Variants in TTC5 observed in about 807,000 individuals in gnomAD.
The protein encoded by TTC5 is tetratricopeptide repeat domain 5.
TTC5 carries 46 observed loss-of-function variants against 57.4 expected under a neutral mutation model. That is an observed-to-expected ratio of 0.80 (90% confidence interval 0.63 to 1.03). The LOEUF (loss-of-function observed/expected upper bound fraction) is 1.03, where lower values mean the gene tolerates loss of function less well. Ranked by LOEUF, TTC5 falls within the 50% of genes least tolerant of loss-of-function variation. The pLI is 0.00. For synonymous variants in TTC5, 190 were observed against 203.5 expected, an observed-to-expected ratio of 0.93 and a Z score of 0.57; for missense variants, 504 against 528.1, an observed-to-expected ratio of 0.95 and a Z score of 0.45.
At chr14:20,305,768 C>G (rs1211656749) in intron 1 of TTC5, 119 bp downstream of exon 1, 2 of 1,089,760 alleles carry the variant, frequency 1.8e-6, no homozygotes, top group Non-Finnish European at 2.8e-6. Flanking sequence ...TTATAGTAAC[C>G]ACACAGACGC....
chr14:20,295,116 G>A (rs1395210094), intron 8 of TTC5, 196 bp downstream of exon 8: 3 of 588,038 alleles, frequency 5.1e-6, no homozygotes, highest in Non-Finnish European at 9.0e-6. Context: ...GGCAGTGACA[G>A]AATCTACAAA....
chr14:20,291,949 T>C, intron 9 of TTC5, 34 bp downstream of exon 9: 1 of 1,515,392 alleles, frequency 6.6e-7, no homozygotes, highest in Non-Finnish European at 8.8e-7. Context: ...TTTTAGAGCC[T>C]ACGAGTTGTA....
Position 20,295,998 on chromosome 14 carries a change from G to C in TTC5, c.697-144C>G, listed in dbSNP as rs117196847. The C allele has an allele frequency of 1.7e-3, 1,285 of 759,394 alleles. 22 individuals carry two copies. The East Asian group carries it at 0.034, about 20-fold the overall frequency. The allele number at this position is 759,394 out of a possible 1,614,324, so 47.0% of individuals were successfully genotyped here. On this transcript the variant is annotated intron_variant, in intron 6 of 9. Coordinates refer to ENST00000258821, the MANE Select transcript of TTC5 (RefSeq NM_138376.3). ...GCTGCAACAAACAGCCTGAAGAGCT[G>C]GTAACACCTTACATCCTTCTTCCTA... is the stretch of plus-strand genomic sequence containing the variant.
rs1051245286 is a variant in TTC5 at position 20,300,786 on chromosome 14, G to A, written c.217C>T (p.Leu73=). The change falls in exon 3 of 10, where the codon CTA becomes TTA. Residue 73 remains leucine, a synonymous_variant. Coordinates refer to ENST00000258821, the MANE Select transcript of TTC5 (RefSeq NM_138376.3). ...SVQGKAQVLM[L]TGKALNVTPD... ...GTCACATTTAGTGCTTTCCCAGTTA[G>A]CATTAGAACTTGTGCCTTGCCCTGG... 6.2e-7 allele frequency: 1 copy of A among 1,613,972 alleles called. No individual in the cohort carries two copies. Among genetic ancestry groups the A allele is most frequent in the Non-Finnish European group, 8.5e-7 (1 of 1,180,004 alleles).
chr14:20,305,943 G>C lies in TTC5; in HGVS notation c.-6C>G, dbSNP rs138814507. On this transcript the variant is annotated 5_prime_UTR_variant, in exon 1 of 10. Coordinates refer to ENST00000258821, the MANE Select transcript of TTC5 (RefSeq NM_138376.3). The stretch of plus-strand genomic sequence containing the variant: ...TCCTCTTCATCAGCCATCATCTCCC[G>C]GCCACTCCACCCCCAACTTTATAAC... 3 of 1,613,566 alleles carry C rather than the reference G, an allele frequency of 1.9e-6. No individual in the cohort carries two copies. The highest frequency in any genetic ancestry group is 2.5e-6 in the Non-Finnish European group (3 of 1,179,864).
Position 20,295,355 on chromosome 14 carries a change from C to A in TTC5, c.1015G>T (p.Gly339Ter), listed in dbSNP as rs1352248171. 1.2e-6 allele frequency: 2 copies of A among 1,614,040 alleles called. No homozygotes were observed. The highest frequency in any genetic ancestry group is 2.7e-5 in the African/African-American group (2 of 74,918). ...GTGGTGAGGCTAAATACCACCTTTC[C>A]CAGGATGACGGCACCGCTGTTCACC... ...PGVNSGAVIL[G>*]KVVFSLTTEE... Residue 339 changes from glycine to a stop codon, truncating the protein, a stop_gained, in exon 8 of 10, where the codon GGA becomes TGA. Transcript: ENST00000258821. LOFTEE classifies it high-confidence loss of function.
At position 20,300,749 on chromosome 14, in the gene TTC5, C is replaced by A; in HGVS notation, c.254G>T (p.Ser85Ile). 1 of 1,614,102 alleles carries A rather than the reference C, an allele frequency of 6.2e-7. No individual in the cohort carries two copies. Among genetic ancestry groups the A allele is most frequent in the South Asian group, 1.1e-5 (1 of 91,064 alleles). Residue 85 changes from serine to isoleucine, a missense_variant, in exon 3 of 10, where the codon AGC (serine) becomes ATC (isoleucine). Ser to Ile is a moderately radical substitution (Grantham distance 142). Coordinates refer to ENST00000258821, the MANE Select transcript of TTC5 (RefSeq NM_138376.3). ...GKALNVTPDY[S>I]PKAEELLSKA... is the part of the protein sequence containing the mutation. ...TGACAGAAGCTCCTCAGCCTTAGGG[C>A]TATAGTCAGGAGTCACATTTAGTGC...
intron 1 of TTC5, chr14:20,305,570 C>A: frequency 2.5e-6 from 1 of 401,284 alleles, no homozygotes; most frequent in Admixed American, 4.2e-5. Context: ...TGCAGATCTG[C>A]CACACACATG....
chr14:20,292,232 A>C (rs986042132), intron 8 of TTC5, 105 bp from the exon 9 acceptor site: 2 of 692,364 alleles, frequency 2.9e-6, no homozygotes, highest in Admixed American at 3.2e-5. Flanking sequence ...TACTGGACTT[A>C]AAGTCAGTGA....
rs1195784912 is a variant in TTC5, at chr14:20,300,598, G to A, written c.396+9C>T. The stretch of plus-strand genomic sequence containing the variant: ...TCTCTGCTTTCCAAAGGGATAGGGG[G>A]CAGCTCACATGGGTGAGGGCTCCTG... On this transcript the variant is annotated intron_variant, in intron 3 of 9. Transcript: ENST00000258821. 4 of 1,606,172 alleles carry A rather than the reference G, an allele frequency of 2.5e-6. No homozygotes were observed. The highest frequency in any genetic ancestry group is 3.4e-6 in the Non-Finnish European group (4 of 1,178,290).
chr14:20,299,102 C>T (rs181425030), intron 4 of TTC5, among the ~76,000 whole-genome samples, 196 bp downstream of exon 4: 2 of 152,160 alleles, frequency 1.3e-5, no homozygotes, highest in African/African-American at 2.4e-5. Context: ...TCCTTGCTTA[C>T]GTGAAAACTA....
At chr14:20,304,973 C>CT (rs142624179) in intron 1 of TTC5, among the ~76,000 whole-genome samples, 8,839 of 152,150 alleles carry the variant, frequency 0.058, 364 homozygotes, top group Middle Eastern at 0.1. Context: ...ATTTGTATAC[C>CT]TTTTCAGATT....
intron 2 of TTC5, 96 bp downstream of exon 2, chr14:20,301,737 G>T: frequency 6.6e-7 from 1 of 1,503,938 alleles, no homozygotes; most frequent in South Asian, 1.2e-5. Context: ...CCCTATAGCA[G>T]TAACAGATAG....
Position 20,289,386 on chromosome 14 carries a change from T to C in TTC5, c.*241A>G. 3 of 342,752 alleles carry C rather than the reference T, an allele frequency of 8.8e-6. No individual in the cohort carries two copies. Among genetic ancestry groups the C allele is most frequent in the Non-Finnish European group, 1.6e-5 (3 of 188,194 alleles). The allele number at this position is 342,752 out of a possible 1,614,324, so 21.2% of individuals were successfully genotyped here. On this transcript the variant is annotated 3_prime_UTR_variant, in exon 10 of 10. Transcript: ENST00000258821. The stretch of plus-strand genomic sequence containing the variant: ...AATTCCATGCTCTTTGCTTAAAACA[T>C]AGAGAGCAGTGGAAGAGACAGGAGA...
chr14:20,301,777 AAG>A, intron 2 of TTC5, 54 bp downstream of exon 2: 2 of 1,607,442 alleles, frequency 1.2e-6, no homozygotes, highest in South Asian at 2.2e-5. Context: ...GGAGGGAGCA[AAG>A]GTCAATCACA....
At chr14:20,297,314 T>C (rs192918152) in intron 5 of TTC5, among the ~76,000 whole-genome samples, 6 of 152,358 alleles carry the variant, frequency 3.9e-5, no homozygotes, top group African/African-American at 1.4e-4. Flanking sequence ...GACCATGTGC[T>C]GTGAAGCAAC....
At chr14:20,293,424 G>A (rs1178299109) in intron 8 of TTC5, 2 of 152,160 alleles carry the variant, frequency 1.3e-5, no homozygotes, top group East Asian at 3.9e-4. Context: ...TTGTTCCATG[G>A]TTGAAACAAA....
chr14:20,299,817 C>T (rs1366938882), intron 3 of TTC5, among the ~76,000 whole-genome samples: 5 of 149,068 alleles, frequency 3.4e-5, no homozygotes, highest in Admixed American at 1.3e-4. Context: ...CCTCCCAAAG[C>T]GCGGGATTAC....
chr14:20,300,665 T>G lies in TTC5; in HGVS notation c.338A>C (p.Tyr113Ser), dbSNP rs777199693. 1.2e-6 allele frequency: 2 copies of G among 1,614,044 alleles called. No homozygotes were observed. Among genetic ancestry groups the G allele is most frequent in the African/African-American group, 1.3e-5 (1 of 75,034 alleles). ...AGCTGCAACATCCCCTTTTTTCCAG[T>G]ACACCTCACCCAGCTGGTTCCAGGC... Reference protein sequence around the residue: ...VEAWNQLGEVYWKKGDVAAAH... With the variant: ...VEAWNQLGEVSWKKGDVAAAH... Residue 113 changes from tyrosine (Y) to serine (S), a missense_variant, in exon 3 of 10, where the codon TAC becomes TCC. Coordinates refer to ENST00000258821, the MANE Select transcript of TTC5 (RefSeq NM_138376.3).
Sources: gnomAD v4.1 joint callset for allele counts (sites outside exome capture counted in the v4.1 genomes callset) on GRCh38, gnomAD v4.1.1 for gene constraint, MANE v1.5 for transcripts, NCBI Gene and HGNC (gene_info 2026-07-23, HGNC 2026-07-21) for gene names.